Variants in ZC3H6 observed in about 807,000 individuals in gnomAD.
The protein encoded by ZC3H6 is zinc finger CCCH domain-containing protein 6.
Under a neutral mutation model 107.7 loss-of-function variants are expected in ZC3H6, and 40 were observed. The observed-to-expected ratio is 0.37, with a 90% CI of 0.29 to 0.48. The LOEUF is 0.48. Ranked by LOEUF, ZC3H6 falls within the 20% of genes least tolerant of loss-of-function variation. The pLI is 0.98. For synonymous variants in ZC3H6, 493 were observed against 487.9 expected (o/e 1.01, Z -0.14); for missense variants, 1,267 against 1,410.4 (o/e 0.90, Z 1.63).
intron 11 of ZC3H6, among the ~76,000 whole-genome samples, chr2:112,326,992 A>G (rs1676918054): frequency 1.3e-5 from 2 of 152,180 alleles, no homozygotes; most frequent in Admixed American, 1.3e-4. Flanking sequence ...GAGAGTACAG[A>G]TATCTCTTTG....
chr2:112,295,414 T>TA (rs1367729044), intron 1 of ZC3H6, among the ~76,000 whole-genome samples: 42 of 152,322 alleles, frequency 2.8e-4, no homozygotes, highest in African/African-American at 9.9e-4. Flanking sequence ...TAAGAACTCT[T>TA]AATTATTTCT....
chr2:112,276,116 G>C, intron 1 of ZC3H6, 90 bp downstream of exon 1: 1 of 1,165,682 alleles, frequency 8.6e-7, no homozygotes, highest in Non-Finnish European at 1.2e-6. Flanking sequence ...CCTCCTGCAT[G>C]ACCTAGACGT....
chr2:112,309,649 T>C (rs921593145), intron 3 of ZC3H6, among the ~76,000 whole-genome samples: 3 of 152,186 alleles, frequency 2.0e-5, no homozygotes, highest in African/African-American at 7.2e-5. Flanking sequence ...ACATAGAACA[T>C]AGAAAGCAAA....
chr2:112,310,080 A>G lies in ZC3H6; in HGVS notation c.532A>G (p.Lys178Glu). Reference protein sequence around the residue: ...ANQLKQYRQAKETSNIALGSS... With the variant: ...ANQLKQYRQAEETSNIALGSS... ...TCAGCTGAAACAATACAGGCAAGCT[A>G]AAGAAACCTCAAATATTGCTTTAGG... Residue 178 changes from lysine to glutamate, a missense_variant, in exon 4 of 12, where the codon AAA (lysine) becomes GAA (glutamate). Transcript: ENST00000409871. 1 of 1,613,600 alleles carries G rather than the reference A, an allele frequency of 6.2e-7. No homozygotes were observed. The highest frequency in any genetic ancestry group is 8.5e-7 in the Non-Finnish European group (1 of 1,179,708).
At position 112,331,433 on chromosome 2, in the gene ZC3H6, A is replaced by G. The variant is rs764308507; in HGVS notation, c.2515A>G (p.Ile839Val). The change falls in exon 12 of 12, where the codon ATA becomes GTA. Residue 839 changes from isoleucine (I) to valine (V), a missense_variant. Transcript: ENST00000409871. ...AGAACTGAGAGAAAAAGCTTTCTTA[A>G]TACCTTTGGATGCCTCACCTGGCAT... ...ERELREKAFLIPLDASPGIML... is the reference protein window; with the variant it reads ...ERELREKAFLVPLDASPGIML... The G allele has an allele frequency of 6.2e-7, 1 of 1,613,796 alleles. No individual in the cohort carries two copies. The highest frequency in any genetic ancestry group is 1.3e-5 in the African/African-American group (1 of 74,942).
intron 8 of ZC3H6, among the ~76,000 whole-genome samples, chr2:112,322,127 C>T (rs1222926721): frequency 6.7e-6 from 1 of 148,986 alleles, no homozygotes. Flanking sequence ...CTCCTTCCCT[C>T]CTTCCCTCCT....
chr2:112,325,468 CA>C (rs200796126), intron 11 of ZC3H6, among the ~76,000 whole-genome samples: 9 of 144,950 alleles, frequency 6.2e-5, no homozygotes, highest in East Asian at 4.0e-4. Context: ...GACTCAGTCT[CA>C]AAAAAAAAAG....
chr2:112,323,342 T>C (rs1676841122), intron 9 of ZC3H6, among the ~76,000 whole-genome samples: 1 of 152,152 alleles, frequency 6.6e-6, no homozygotes, highest in Admixed American at 6.5e-5. Context: ...CTGCTGCCAG[T>C]CCCCAAGCGT....
At position 112,275,935 on chromosome 2, in the gene ZC3H6, G is replaced by T; in HGVS notation, c.-60G>T. On this transcript the variant is annotated 5_prime_UTR_variant, in exon 1 of 12. Coordinates refer to ENST00000409871, the MANE Select transcript of ZC3H6 (RefSeq NM_198581.3). ...AGGCGGCGCGGGGGGTCTTCCCCGC[G>T]CCCCGCCGCCGCCGGCCTCGCAGAC... 5.4e-6 allele frequency: 8 copies of T among 1,472,308 alleles called. No individual in the cohort carries two copies. Among genetic ancestry groups the T allele is most frequent in the East Asian group, 2.7e-5 (1 of 37,220 alleles). The allele number at this position is 1,472,308 out of a possible 1,614,324, so 91.2% of individuals were successfully genotyped here. A position where few individuals can be genotyped will look rare whatever the true frequency, so the allele number is the denominator to read the frequency against.
intron 11 of ZC3H6, 58 bp from the exon 12 acceptor site, chr2:112,330,934 ATAATATAATAATT>A: frequency 1.6e-6 from 1 of 636,252 alleles, no homozygotes; most frequent in Non-Finnish European, 2.1e-6. Flanking sequence ...ATTTATAATT[ATAATATAATAATT>A]TTATTATATT....
rs945525780 is a variant in ZC3H6, at chr2:112,332,627, G to A, written c.*139G>A. On this transcript the variant is annotated 3_prime_UTR_variant, in exon 12 of 12. Transcript: ENST00000409871. ...GCTGCTAGTATCAGAACCACATGAA[G>A]TTATAGCCTCTAAAGCCTGTGGTAT... The A allele has an allele frequency of 9.2e-6, 7 of 760,048 alleles. 1 individual carries two copies. The highest frequency in any genetic ancestry group is 1.8e-5 in the African/African-American group (1 of 55,960). 47.1% of individuals were successfully genotyped at this position (760,048 alleles called of 1,614,324 possible).
At chr2:112,312,079 C>G (rs1335257409) in intron 5 of ZC3H6, 142 bp downstream of exon 5, 2 of 807,986 alleles carry the variant, frequency 2.5e-6, no homozygotes, top group Non-Finnish European at 3.5e-6. Flanking sequence ...TATCAATAAC[C>G]TCCAAAAAAT....
At chr2:112,287,347 CA>C (rs939216467) in intron 1 of ZC3H6, among the ~76,000 whole-genome samples, 2 of 151,284 alleles carry the variant, frequency 1.3e-5, no homozygotes, top group African/African-American at 2.4e-5. Context: ...TAAAATGTCT[CA>C]AAAAAAAGCT....
intron 1 of ZC3H6, among the ~76,000 whole-genome samples, chr2:112,276,504 A>G (rs1163306772): frequency 6.6e-6 from 1 of 152,206 alleles, no homozygotes; most frequent in East Asian, 1.9e-4. Flanking sequence ...AAGCAGCACC[A>G]AAAGGCCATC....
intron 4 of ZC3H6, among the ~76,000 whole-genome samples, chr2:112,311,018 ATGT>A (rs1676582349): frequency 6.6e-6 from 1 of 152,216 alleles, no homozygotes; most frequent in African/African-American, 2.4e-5. Context: ...TGTAGTCTAG[ATGT>A]TGTGGTATCA....
At chr2:112,309,040 G>A (rs926188476) in intron 3 of ZC3H6, among the ~76,000 whole-genome samples, 3 of 151,962 alleles carry the variant, frequency 2.0e-5, no homozygotes, top group Non-Finnish European at 4.4e-5. Flanking sequence ...CAACAAGAGC[G>A]AGACTCTGTC....
intron 1 of ZC3H6, among the ~76,000 whole-genome samples, chr2:112,297,595 C>T (rs748787680): frequency 1.3e-5 from 2 of 152,084 alleles, no homozygotes; most frequent in Non-Finnish European, 2.9e-5. Context: ...TGGTTTCTAT[C>T]TATAAAATGT....
intron 1 of ZC3H6, among the ~76,000 whole-genome samples, chr2:112,295,078 T>G (rs1325817211): frequency 6.6e-6 from 1 of 152,142 alleles, no homozygotes; most frequent in African/African-American, 2.4e-5. Context: ...TAGCATTCAC[T>G]CCCTATTTTT....
intron 1 of ZC3H6, among the ~76,000 whole-genome samples, chr2:112,278,379 A>G (rs7601888): frequency 0.65 from 99,465 of 152,136 alleles, 34,529 homozygotes; most frequent in African/African-American, 0.9. Flanking sequence ...GTGCAGTGGC[A>G]CTGTCTCAGC....
Sources: allele counts gnomAD v4.1 joint callset (sites outside exome capture counted in the v4.1 genomes callset), GRCh38; gene constraint gnomAD v4.1.1; transcripts MANE v1.5; gene names NCBI Gene and HGNC (gene_info 2026-07-23, HGNC 2026-07-21).